Variants in LPIN2 observed in about 807,000 individuals in gnomAD.
The protein encoded by LPIN2 is phosphatidate phosphatase LPIN2.
LPIN2 carries 55 observed loss-of-function variants against 111.4 expected under a neutral mutation model. That is an observed-to-expected ratio of 0.49 (90% confidence interval 0.40 to 0.62). The LOEUF (loss-of-function observed/expected upper bound fraction) is 0.62, where lower values mean the gene tolerates loss of function less well. LPIN2 is among the 20% of genes least tolerant of loss of function. The probability of loss-of-function intolerance (pLI) is 0.00; values close to 1 mark genes in which losing one functional copy is unlikely to be tolerated. For missense variants in LPIN2, 992 were observed against 1,112.1 expected (o/e 0.89, Z 1.54); for synonymous variants, 425 against 414.0 (o/e 1.03, Z -0.32).
intron 1 of LPIN2, chr18:2,990,992 T>G (rs937654053): frequency 3.5e-6 from 2 of 568,562 alleles, no homozygotes; most frequent in Admixed American, 1.9e-5. Context: ...GGAGGCCACA[T>G]GCCAATGATG....
chr18:2,997,663 G>C (rs665715), intron 1 of LPIN2, among the ~76,000 whole-genome samples: 139,167 of 152,228 alleles, frequency 0.91, 64,436 homozygotes, highest in East Asian at 1. Flanking sequence ...TCCTGTGGGG[G>C]GAGAGCAGGC....
chr18:2,936,469 C>T (rs533552889), intron 7 of LPIN2, among the ~76,000 whole-genome samples: 1 of 152,350 alleles, frequency 6.6e-6, no homozygotes, highest in South Asian at 2.1e-4. Context: ...TATTTTGAGA[C>T]AGGGTCTCAC....
At chr18:2,923,733 T>A (rs1156944084) in intron 16 of LPIN2, 42 bp downstream of exon 16, 1 of 1,529,096 alleles carries the variant, frequency 6.5e-7, no homozygotes, top group African/African-American at 1.4e-5. Context: ...TAAAGCAAGC[T>A]TCCAGCTCAC....
chr18:2,917,757 C>CACAG lies in LPIN2; in HGVS notation c.*2532_*2535dup, dbSNP rs946436683. On this transcript the variant is annotated 3_prime_UTR_variant, in exon 20 of 20. Transcript: ENST00000677752. ...AACTCACACGGGACGAGCTTCAGCACACAGACAGCAAAGCAAATACGAGAC... is the reference window on the plus strand; with the variant it reads ...AACTCACACGGGACGAGCTTCAGCACACAGACAGACAGCAAAGCAAATACGAGAC... 1 of 152,274 alleles carries CACAG rather than the reference C, an allele frequency of 6.6e-6. No individual in the cohort carries two copies. Among genetic ancestry groups the CACAG allele is most frequent in the African/African-American group, 2.4e-5 (1 of 41,398 alleles). 9.4% of individuals were successfully genotyped at this position (152,274 alleles called of 1,614,324 possible). A position where few individuals can be genotyped will look rare whatever the true frequency, so the allele number is the denominator to read the frequency against.
Position 2,918,695 on chromosome 18 carries a change from TGTCTCTGCATCC to T in LPIN2, c.*1586_*1597del, listed in dbSNP as rs1475261821. ...AACTGTGTTTAGGGGATTTCAACAT[TGTCTCTGCATCC>T]GACAAGCACTAGGAAAATGGCTGAA... On this transcript the variant is annotated 3_prime_UTR_variant, in exon 20 of 20. Transcript: ENST00000677752. 2 of 152,168 alleles carry T rather than the reference TGTCTCTGCATCC, an allele frequency of 1.3e-5. No homozygotes were observed. Among genetic ancestry groups the T allele is most frequent in the Non-Finnish European group, 2.9e-5 (2 of 68,028 alleles). 9.4% of individuals were successfully genotyped at this position (152,168 alleles called of 1,614,324 possible).
intron 5 of LPIN2, among the ~76,000 whole-genome samples, chr18:2,939,976 T>C (rs2077346364): frequency 6.6e-6 from 1 of 152,222 alleles, no homozygotes; most frequent in East Asian, 1.9e-4. Flanking sequence ...TATACTTTTT[T>C]TCACTATATT....
chr18:2,920,339 T>C lies in LPIN2; in HGVS notation c.2645A>G (p.Tyr882Cys). Residue 882 changes from tyrosine (Y) to cysteine (C), a missense_variant, in exon 20 of 20, where the codon TAC (tyrosine) becomes TGC (cysteine). Physicochemically the swap from Tyr to Cys is radical, Grantham distance 194. Around this residue, in one of 4 missense-constraint regions of LPIN2, gnomAD observed 185 missense variants for 186.5 expected, o/e 0.99. Coordinates refer to ENST00000677752, the MANE Select transcript of LPIN2 (RefSeq NM_001375808.2). ...CACTTCAGGGATCGGGTCTCGCCAG[T>C]AGCAGAAGGAGCTGAACTCCGGGCA... ...FPCPEFSSFC[Y>C]WRDPIPEVDL... The C allele has an allele frequency of 6.2e-7, 1 of 1,614,164 alleles. No individual in the cohort carries two copies. Among genetic ancestry groups the C allele is most frequent in the Non-Finnish European group, 8.5e-7 (1 of 1,180,040 alleles).
At chr18:2,961,918 G>A (rs968368128) in intron 1 of LPIN2, among the ~76,000 whole-genome samples, 45 of 152,188 alleles carry the variant, frequency 3.0e-4, no homozygotes, top group Non-Finnish European at 4.7e-4. Context: ...CAGGCTGTCT[G>A]CCATAAGCAG....
In LPIN2 at chr18:2,919,728, T is replaced by C; in HGVS notation, c.*565A>G. 5.6e-6 allele frequency: 1 copy of C among 177,308 alleles called. No homozygotes were observed. The highest frequency in any genetic ancestry group is 1.2e-5 in the Non-Finnish European group (1 of 82,148). 11.0% of individuals were successfully genotyped at this position (177,308 alleles called of 1,614,324 possible). ...CTCAGTGGCTCTGGTGCATGGGCCC[T>C]GCAGGGGCGGGGGTCCTGCCCAACT... On this transcript the variant is annotated 3_prime_UTR_variant, in exon 20 of 20. Coordinates refer to ENST00000677752, the MANE Select transcript of LPIN2 (RefSeq NM_001375808.2).
intron 11 of LPIN2, 97 bp downstream of exon 11, chr18:2,928,494 A>G: frequency 8.5e-7 from 1 of 1,182,804 alleles, no homozygotes; most frequent in Non-Finnish European, 1.3e-6. Context: ...TAAAACTTTG[A>G]ATAGTACCCA....
At chr18:2,964,355 C>T (rs576680873) in intron 1 of LPIN2, among the ~76,000 whole-genome samples, 2 of 151,968 alleles carry the variant, frequency 1.3e-5, no homozygotes, top group African/African-American at 2.4e-5. Context: ...CCCTCTGTCC[C>T]CCACCACCAC....
intron 2 of LPIN2, among the ~76,000 whole-genome samples, chr18:2,958,169 A>AAAAAC (rs2077650112): frequency 6.8e-6 from 1 of 146,658 alleles, no homozygotes; most frequent in Non-Finnish European, 1.5e-5. Flanking sequence ...AACAAAAAAA[A>AAAAAC]AAAACAGAAA....
intron 1 of LPIN2, among the ~76,000 whole-genome samples, chr18:2,995,304 T>C (rs927003576): frequency 6.6e-6 from 1 of 152,212 alleles, no homozygotes; most frequent in African/African-American, 2.4e-5. Context: ...AATGACTTTC[T>C]AAATCTAAAT....
intron 1 of LPIN2, among the ~76,000 whole-genome samples, chr18:2,970,747 A>AT (rs1290207315): frequency 2.6e-5 from 4 of 152,230 alleles, no homozygotes; most frequent in East Asian, 1.9e-4. Flanking sequence ...TGAGAAAAAA[A>AT]TTTTTAATTT....
rs1568571302 is a variant in LPIN2, at chr18:2,958,166, A to AAAAAAAAAAAAAAAAAC, written c.192+2482_192+2483insGTTTTTTTTTTTTTTTT. On this transcript the variant is annotated intron_variant, in intron 2 of 19. Transcript: ENST00000677752. ...CAAAAAAAAAAAAAAAACAACAAAA[A>AAAAAAAAAAAAAAAAAC]AAAAAAACAGAAAAAAGAAAAAAAA... Among the ~76,000 whole-genome samples the AAAAAAAAAAAAAAAAAC allele has an allele frequency of 2.1e-5, 3 of 146,088 alleles. No homozygotes were observed. The East Asian group carries it at 6.3e-4, about 31-fold the overall frequency.
intron 1 of LPIN2, among the ~76,000 whole-genome samples, chr18:3,004,493 TA>T (rs1394069420): frequency 1.3e-5 from 2 of 152,144 alleles, no homozygotes; most frequent in African/African-American, 2.4e-5. Flanking sequence ...CTGAACAGAA[TA>T]AAAGACTGGA....
At chr18:2,926,873 G>A (rs1030644125) in intron 12 of LPIN2, 68 bp from the exon 13 acceptor site, 12 of 1,226,942 alleles carry the variant, frequency 9.8e-6, no homozygotes, top group Non-Finnish European at 1.2e-5. Flanking sequence ...TTCATCAGCA[G>A]CCCTCTCTAG....
intron 1 of LPIN2, among the ~76,000 whole-genome samples, chr18:2,975,337 T>A (rs2077993715): frequency 6.6e-6 from 1 of 152,178 alleles, no homozygotes. Flanking sequence ...ATGAAAAATC[T>A]TAAGCCTTTT....
intron 11 of LPIN2, 104 bp from the exon 12 acceptor site, chr18:2,927,915 C>G: frequency 2.2e-6 from 2 of 926,224 alleles, no homozygotes; most frequent in Non-Finnish European, 3.6e-6. Context: ...AATGTGAGAA[C>G]GTGACCGATG....
Sources: gnomAD v4.1 joint callset for allele counts (sites outside exome capture counted in the v4.1 genomes callset) on GRCh38, gnomAD v4.1.1 for gene constraint, gnomAD v4.1.1 regional missense constraint, MANE v1.5 for transcripts, NCBI Gene and HGNC (gene_info 2026-07-23, HGNC 2026-07-21) for gene names.